The following ERC1 variants were observed in gnomAD, a reference collection of about 807,000 sequenced individuals.
ERC1 encodes RAB6 interacting protein 2.
In ERC1, 56 loss-of-function variants were observed where a neutral mutation model predicts 132.0. The ratio of observed to expected loss-of-function variants is 0.42; its 90% CI spans 0.34 to 0.53. ERC1 has a LOEUF of 0.53. ERC1 is among the 20% of genes least tolerant of loss of function. ERC1 has a pLI of 0.03. For missense variants in ERC1, 1,202 were observed against 1,349.9 expected, an observed-to-expected ratio of 0.89 and a Z score of 1.72; for synonymous variants, 478 against 476.1, an observed-to-expected ratio of 1.00 and a Z score of -0.05.
chr12:1,337,516 A>C (rs2083419335), intron 15 of ERC1, among the ~76,000 whole-genome samples: 2 of 152,020 alleles, frequency 1.3e-5, no homozygotes, highest in South Asian at 4.1e-4. Context: ...GTGCCTTTTA[A>C]TAGGGGTATT....
At chr12:1,430,953 A>C (rs2092779163) in intron 17 of ERC1, among the ~76,000 whole-genome samples, 1 of 152,194 alleles carries the variant, frequency 6.6e-6, no homozygotes, top group Admixed American at 6.5e-5. Flanking sequence ...TATTATCAAG[A>C]AGCTCTGGTT....
chr12:1,445,892 G>A (rs1488680372), intron 18 of ERC1, among the ~76,000 whole-genome samples: 8 of 152,162 alleles, frequency 5.3e-5, no homozygotes, highest in African/African-American at 1.4e-4. Flanking sequence ...ACACAGACAG[G>A]GTGGCTTATA....
In ERC1 at chr12:1,224,687, G is replaced by GA. The variant is rs200728834; in HGVS notation, c.2352-12073dup. Among the ~76,000 whole-genome samples the GA allele has an allele frequency of 6.8e-4, 103 of 150,710 alleles. 2 individuals carry two copies. The Middle Eastern group carries it at 0.01, about 15-fold the overall frequency. Reference sequence around the variant, plus strand: ...GAAACTGTAAAAAAATGATAAAAAAGAAAAAAAAATAGGCTGGGCGCTGTA... The same window carrying GA: ...GAAACTGTAAAAAAATGATAAAAAAGAAAAAAAAAATAGGCTGGGCGCTGTA... On this transcript the variant is annotated intron_variant, in intron 12 of 18. Transcript: ENST00000360905.
At chr12:1,171,869 C>T (rs941830260) in intron 8 of ERC1, among the ~76,000 whole-genome samples, 3 of 152,152 alleles carry the variant, frequency 2.0e-5, no homozygotes, top group South Asian at 2.1e-4. Context: ...CATGATAGCT[C>T]CTGACAACTG....
At chr12:1,388,384 A>C (rs1301707850) in intron 16 of ERC1, among the ~76,000 whole-genome samples, 1 of 149,836 alleles carries the variant, frequency 6.7e-6, no homozygotes, top group Non-Finnish European at 1.5e-5. Flanking sequence ...CTCATGAATG[A>C]GCTAGAAAAG....
At chr12:1,167,249 C>A (rs1038646336) in intron 8 of ERC1, among the ~76,000 whole-genome samples, 1 of 152,176 alleles carries the variant, frequency 6.6e-6, no homozygotes, top group Non-Finnish European at 1.5e-5. Context: ...TAGAAAAAGA[C>A]AAAAGATTTA....
chr12:1,461,556 T>A (rs896072545), intron 18 of ERC1, among the ~76,000 whole-genome samples: 20 of 152,012 alleles, frequency 1.3e-4, no homozygotes, highest in African/African-American at 4.6e-4. Flanking sequence ...TAATCTCAGC[T>A]ACTTGGGAGG....
At chr12:1,311,791 GA>G (rs1251329237) in intron 15 of ERC1, among the ~76,000 whole-genome samples, 1 of 152,136 alleles carries the variant, frequency 6.6e-6, no homozygotes, top group Non-Finnish European at 1.5e-5. Flanking sequence ...TATTTCACTT[GA>G]AGTAGCCATG....
chr12:1,030,295 G>T (rs1193506488), intron 2 of ERC1, among the ~76,000 whole-genome samples: 1 of 152,176 alleles, frequency 6.6e-6, no homozygotes, highest in African/African-American at 2.4e-5. Context: ...AATTTCTGCA[G>T]TGTTCTTAAA....
intron 1 of ERC1, among the ~76,000 whole-genome samples, chr12:1,026,763 A>T (rs763160304): frequency 6.6e-6 from 1 of 152,248 alleles, no homozygotes; most frequent in Non-Finnish European, 1.5e-5. Flanking sequence ...ATGAAGAATT[A>T]TGGATTTGTA....
At chr12:1,349,011 C>A (rs964093539) in intron 15 of ERC1, among the ~76,000 whole-genome samples, 1 of 152,158 alleles carries the variant, frequency 6.6e-6, no homozygotes, top group Non-Finnish European at 1.5e-5. Flanking sequence ...CTGAGCTAGA[C>A]TTCATATTTT....
intron 14 of ERC1, among the ~76,000 whole-genome samples, chr12:1,277,395 T>C (rs2078347339): frequency 6.6e-6 from 1 of 152,230 alleles, no homozygotes; most frequent in African/African-American, 2.4e-5. Context: ...AAATTTGACA[T>C]TAGGTTTTTC....
intron 15 of ERC1, among the ~76,000 whole-genome samples, chr12:1,344,092 C>T (rs989840258): frequency 1.3e-5 from 2 of 152,186 alleles, no homozygotes; most frequent in Non-Finnish European, 1.5e-5. Flanking sequence ...CCCCCCACTT[C>T]GGCCTCCCAA....
chr12:1,278,751 A>G (rs2078455645), intron 14 of ERC1, among the ~76,000 whole-genome samples: 2 of 152,204 alleles, frequency 1.3e-5, no homozygotes, highest in Non-Finnish European at 2.9e-5. Flanking sequence ...ATACAATTTT[A>G]AAATAATTAC....
In ERC1 at chr12:1,141,926, T is replaced by C. The variant is rs919565278; in HGVS notation, c.1737+139T>C. 18 of 618,742 alleles carry C rather than the reference T, an allele frequency of 2.9e-5. No homozygotes were observed. In the African/African-American group the frequency reaches 3.0e-4, roughly 10 times the overall value. The allele number at this position is 618,742 out of a possible 1,614,324, so 38.3% of individuals were successfully genotyped here. Reference sequence around the variant, plus strand: ...TTTGTGATTAGTAATTTGGAACTCTTGTTGCGGTAGGTAGATTGTTAAGAC... The same window carrying C: ...TTTGTGATTAGTAATTTGGAACTCTCGTTGCGGTAGGTAGATTGTTAAGAC... On this transcript the variant is annotated intron_variant, in intron 8 of 18. Coordinates refer to ENST00000360905, the MANE Select transcript of ERC1 (RefSeq NM_178040.4).
chr12:1,441,280 C>A (rs920970140), intron 17 of ERC1, among the ~76,000 whole-genome samples: 1 of 151,746 alleles, frequency 6.6e-6, no homozygotes. Context: ...AGGCTGGTCT[C>A]GAACTCCTGA....
chr12:1,445,522 C>T (rs566908353), intron 18 of ERC1, among the ~76,000 whole-genome samples: 12 of 152,224 alleles, frequency 7.9e-5, no homozygotes, highest in South Asian at 4.1e-4. Context: ...TGATTCACCG[C>T]GCCCGGCCAG....
intron 12 of ERC1, among the ~76,000 whole-genome samples, chr12:1,203,778 A>G (rs188833392): frequency 6.6e-6 from 1 of 152,372 alleles, no homozygotes; most frequent in East Asian, 1.9e-4. Flanking sequence ...TGTAAGGGCT[A>G]CATGCTGTGC....
chr12:1,405,674 G>A (rs2091439760), intron 16 of ERC1, among the ~76,000 whole-genome samples: 1 of 152,160 alleles, frequency 6.6e-6, no homozygotes, highest in Non-Finnish European at 1.5e-5. Flanking sequence ...TTGCACTCCA[G>A]TCTGGGTGAC....
Sources: allele counts gnomAD v4.1 joint callset (sites outside exome capture counted in the v4.1 genomes callset), GRCh38; gene constraint gnomAD v4.1.1; transcripts MANE v1.5; gene names NCBI Gene and HGNC (gene_info 2026-07-23, HGNC 2026-07-21).